The following NAV2 variants were observed in gnomAD, a reference collection of about 807,000 sequenced individuals.
NAV2 encodes the protein helicase, APC down-regulated 1.
Under a neutral mutation model 223.2 loss-of-function variants are expected in NAV2, and 54 were observed. The observed-to-expected ratio is 0.24, with a 90% CI of 0.19 to 0.30. The LOEUF (loss-of-function observed/expected upper bound fraction) is 0.30. Ranked by LOEUF, NAV2 falls within the 10% of genes least tolerant of loss-of-function variation. The probability of loss-of-function intolerance (pLI) is 1.00; values close to 1 mark genes in which losing one functional copy is unlikely to be tolerated. For synonymous variants in NAV2, 1,279 were observed against 1,239.3 expected (o/e 1.03, Z -0.67); for missense variants, 2,806 against 3,147.5 (o/e 0.89, Z 2.60).
intron 20 of NAV2, among the ~76,000 whole-genome samples, chr11:20,064,840 AC>A (rs2058937281): frequency 6.6e-6 from 1 of 152,166 alleles, no homozygotes. Context: ...CGTTCTTCTC[AC>A]CATATGACTT....
intron 1 of NAV2, among the ~76,000 whole-genome samples, chr11:19,756,068 A>AT (rs2054206029): frequency 6.6e-6 from 1 of 152,156 alleles, no homozygotes; most frequent in Non-Finnish European, 1.5e-5. Flanking sequence ...GGCAACTTTC[A>AT]TTTAACCTAG....
chr11:20,110,652 CAGGT>C (rs2062548036), intron 36 of NAV2, among the ~76,000 whole-genome samples: 1 of 152,224 alleles, frequency 6.6e-6, no homozygotes, highest in Non-Finnish European at 1.5e-5. Context: ...TGAGAAGCCA[CAGGT>C]GGCTTGGGGA....
rs1475115547 is a variant in NAV2 at position 19,411,566 on chromosome 11, G to A, written c.75+60539G>A. On this transcript the variant is annotated intron_variant, in intron 1 of 37. Coordinates refer to the NAV2 transcript ENST00000360655. ...AAGAGGCTGCTATCTCAATCTCAAG[G>A]TGCCCTGAGAATGTTCTAAGGGATA... Among the ~76,000 whole-genome samples, 5 of 152,208 alleles carry A rather than the reference G, an allele frequency of 3.3e-5. No homozygotes were observed. The East Asian group carries it at 7.7e-4, about 24-fold the overall frequency.
chr11:20,093,035 G>T, intron 28 of NAV2, 64 bp from the exon 29 acceptor site: 1 of 1,085,594 alleles, frequency 9.2e-7, no homozygotes, highest in Non-Finnish European at 1.4e-6. Flanking sequence ...CTGCAGCGGG[G>T]GTGTCAGGAA....
At chr11:19,346,571 G>A (rs1853023505), upstream of NAV2, among the ~76,000 whole-genome samples, 1 of 152,232 alleles carries the variant, frequency 6.6e-6, no homozygotes. Flanking sequence ...AGCCCGCGTC[G>A]CCCAGCTGGG....
chr11:19,593,569 T>C (rs1367111332), intron 1 of NAV2, among the ~76,000 whole-genome samples: 1 of 152,222 alleles, frequency 6.6e-6, no homozygotes, highest in Admixed American at 6.5e-5. Flanking sequence ...GGGGGTGCCA[T>C]TGTTGAGTTA....
chr11:19,676,511 C>A (rs2048716257), intron 1 of NAV2, among the ~76,000 whole-genome samples: 1 of 152,032 alleles, frequency 6.6e-6, no homozygotes. Context: ...AAAGCAATTT[C>A]TGTGGCATTA....
intron 22 of NAV2, among the ~76,000 whole-genome samples, chr11:20,068,707 C>T (rs922546908): frequency 5.9e-5 from 9 of 152,100 alleles, no homozygotes; most frequent in African/African-American, 2.2e-4. Context: ...AATTTCTCTT[C>T]CTCTTTCTGA....
chr11:20,033,539 A>G (rs1423938447), intron 11 of NAV2, among the ~76,000 whole-genome samples: 1 of 152,216 alleles, frequency 6.6e-6, no homozygotes, highest in Non-Finnish European at 1.5e-5. Flanking sequence ...TGAAGTGTGC[A>G]GAGTTCCAGA....
chr11:19,963,450 C>T (rs1430522775), intron 10 of NAV2, among the ~76,000 whole-genome samples: 4 of 152,154 alleles, frequency 2.6e-5, no homozygotes, highest in Non-Finnish European at 5.9e-5. Flanking sequence ...ATATGGAAGG[C>T]AAGACCAAAA....
intron 25 of NAV2, 23 bp downstream of exon 25, chr11:20,080,232 G>C (rs1429577718): frequency 1.9e-6 from 3 of 1,607,010 alleles, no homozygotes; most frequent in Non-Finnish European, 2.6e-6. Context: ...CCACTCTCCT[G>C]GGGACTGACG....
chr11:19,594,096 A>G (rs955025167), intron 1 of NAV2, among the ~76,000 whole-genome samples: 1 of 152,138 alleles, frequency 6.6e-6, no homozygotes, highest in Non-Finnish European at 1.5e-5. Context: ...TTCCAGGGAA[A>G]CATCACAGTG....
At chr11:20,112,115 A>G (rs2062686787) in intron 36 of NAV2, among the ~76,000 whole-genome samples, 1 of 152,132 alleles carries the variant, frequency 6.6e-6, no homozygotes, top group African/African-American at 2.4e-5. Flanking sequence ...TCAGAGGGAG[A>G]AACTTCTCAA....
At chr11:19,710,417 G>A (rs762057962), upstream of NAV2, among the ~76,000 whole-genome samples, 1 of 152,208 alleles carries the variant, frequency 6.6e-6, no homozygotes, top group African/African-American at 2.4e-5. Flanking sequence ...GCATATTAAG[G>A]TTTAAGAAGT....
chr11:19,713,702 G>C lies in NAV2; in HGVS notation c.7G>C (p.Ala3Pro). The C allele has an allele frequency of 6.4e-7, 1 of 1,564,618 alleles. No individual in the cohort carries two copies. ...GCCCAAGCCCCGGGAGAAGATGCCG[G>C]CCATCCTGGTCGCCTCCAAAATGAA... MP[A>P]ILVASKMKSG... is the part of the protein sequence containing the mutation. The change falls in exon 1 of 38, where the codon GCC becomes CCC. Residue 3 changes from alanine (A) to proline (P), a missense_variant. Physicochemically the swap from Ala to Pro is conservative, Grantham distance 27 (BLOSUM62 -1). Coordinates refer to ENST00000349880, the MANE Select transcript of NAV2 (RefSeq NM_145117.5). This position sits in a 1 kb window ranked among gnomAD's most constrained non-coding sequence, Gnocchi z 7.2.
chr11:19,410,559 T>C (rs1472585510), intron 1 of NAV2, among the ~76,000 whole-genome samples: 1 of 152,220 alleles, frequency 6.6e-6, no homozygotes, highest in African/African-American at 2.4e-5. Context: ...CTAGCATCTG[T>C]ACTCCTGGCC....
At chr11:20,017,629 T>A (rs2054124124) in intron 11 of NAV2, among the ~76,000 whole-genome samples, 1 of 152,242 alleles carries the variant, frequency 6.6e-6, no homozygotes, top group South Asian at 2.1e-4. Flanking sequence ...CTCCGCCTTA[T>A]ATTCTCAGTG....
rs2062558775 is a variant in NAV2 at position 20,110,772 on chromosome 11, C to T, written c.6960+2990C>T. Among the ~76,000 whole-genome samples the T allele has an allele frequency of 4.6e-5, 7 of 152,176 alleles. No individual in the cohort carries two copies. In the South Asian group the frequency reaches 1.4e-3, roughly 32 times the overall value. On this transcript the variant is annotated intron_variant, in intron 36 of 37. Transcript: ENST00000349880. ...AAATTCCCTACTCTCCTTTGTGTTA[C>T]TTTGAGTCCACACCTACTCTAGGGT...
chr11:19,955,155 C>CCA (rs1435646502), intron 10 of NAV2, among the ~76,000 whole-genome samples: 3 of 151,944 alleles, frequency 2.0e-5, no homozygotes, highest in African/African-American at 7.3e-5. Context: ...ATCTGCAATC[C>CCA]CAGCACTTTG....
Sources: gnomAD v4.1 joint callset for allele counts (sites outside exome capture counted in the v4.1 genomes callset) on GRCh38, gnomAD v4.1.1 for gene constraint, Gnocchi (gnomAD v3.1) non-coding constraint, MANE v1.5 for transcripts, NCBI Gene and HGNC (gene_info 2026-07-23, HGNC 2026-07-21) for gene names.